PTCD2: variants seen among roughly 807,000 people sequenced by gnomAD.
PTCD2 encodes pentatricopeptide repeat-containing protein 2, mitochondrial.
Under a neutral mutation model 42.6 loss-of-function variants are expected in PTCD2, and 31 were observed. The observed-to-expected ratio is 0.73, with a 90% CI of 0.55 to 0.98. The LOEUF is 0.98. Ranked by LOEUF, PTCD2 falls within the 50% of genes least tolerant of loss-of-function variation. The probability of loss-of-function intolerance (pLI) is 0.00; values close to 1 mark genes in which losing one functional copy is unlikely to be tolerated. For synonymous variants in PTCD2, 183 were observed against 170.9 expected (o/e 1.07, Z -0.55); for missense variants, 476 against 454.8 (o/e 1.05, Z -0.42).
chr5:72,343,184 C>T lies in PTCD2; in HGVS notation c.828+148C>T, dbSNP rs114593040. 1.2e-3 allele frequency: 537 copies of T among 431,586 alleles called. 3 individuals carry two copies. The highest frequency in any genetic ancestry group is 0.01 in the African/African-American group (501 of 48,880). The allele number at this position is 431,586 out of a possible 1,614,324, so 26.7% of individuals were successfully genotyped here. A position where few individuals can be genotyped will look rare whatever the true frequency, so the allele number is the denominator to read the frequency against. On this transcript the variant is annotated intron_variant, in intron 8 of 9. Transcript: ENST00000380639. ...CAAATCAATAGTCATTTATTGAATTCCTCTCTGAAAATTACAGTATCACCC... is the reference window on the plus strand; with the variant it reads ...CAAATCAATAGTCATTTATTGAATTTCTCTCTGAAAATTACAGTATCACCC...
chr5:72,326,012 TC>T (rs957579036), intron 2 of PTCD2, among the ~76,000 whole-genome samples: 1 of 152,042 alleles, frequency 6.6e-6, no homozygotes, highest in African/African-American at 2.4e-5. Context: ...AGGACTGTTT[TC>T]CCCCCTGCCC....
chr5:72,323,718 A>G (rs769300715), intron 2 of PTCD2, among the ~76,000 whole-genome samples: 1 of 152,148 alleles, frequency 6.6e-6, no homozygotes, highest in Non-Finnish European at 1.5e-5. Flanking sequence ...TGGCACCATC[A>G]TAGCTCGCTG....
rs1753223527 is a variant in PTCD2 at position 72,367,124 on chromosome 5, TC to T, written c.*8698del. On this transcript the variant is annotated 3_prime_UTR_variant, in exon 10 of 10. Coordinates refer to ENST00000380639, the MANE Select transcript of PTCD2 (RefSeq NM_024754.5). ...CCTGCCATCATCAGGAATGACTAAA[TC>T]TTGGAGCGTTCTCCATTTAAGTGAG... 6 of 152,242 alleles carry T rather than the reference TC, an allele frequency of 3.9e-5. No individual in the cohort carries two copies. The highest frequency in any genetic ancestry group is 3.9e-4 in the Admixed American group (6 of 15,292). The allele number at this position is 152,242 out of a possible 1,614,324, so 9.4% of individuals were successfully genotyped here. A position where few individuals can be genotyped will look rare whatever the true frequency, so the allele number is the denominator to read the frequency against.
At chr5:72,347,518 T>C (rs955345071) in intron 8 of PTCD2, among the ~76,000 whole-genome samples, 2 of 152,230 alleles carry the variant, frequency 1.3e-5, no homozygotes, top group East Asian at 3.9e-4. Flanking sequence ...AAACCCCATC[T>C]CTACTGAAAA....
Position 72,331,334 on chromosome 5 carries a change from T to C in PTCD2, c.427T>C (p.Leu143=), listed in dbSNP as rs1421965088. The C allele has an allele frequency of 6.2e-7, 1 of 1,614,114 alleles. No homozygotes were observed. The highest frequency in any genetic ancestry group is 1.3e-5 in the African/African-American group (1 of 75,046). ...GPLFVRLCYE[L]DLEESAVELM... is the part of the protein sequence containing the mutation. ...GCTTTTTGTGAGGTTGTGTTACGAG[T>C]TGGATCTCGAGGAATCTGCAGTGGA... Residue 143 remains leucine, a synonymous_variant, in exon 4 of 10, where the codon TTG becomes CTG. Coordinates refer to ENST00000380639, the MANE Select transcript of PTCD2 (RefSeq NM_024754.5).
Position 72,320,409 on chromosome 5 carries a change from A to G in PTCD2, c.27A>G (p.Ala9=). The G allele has an allele frequency of 1.1e-5, 17 of 1,614,066 alleles. No individual in the cohort carries two copies. Among genetic ancestry groups the G allele is most frequent in the Non-Finnish European group, 1.4e-5 (16 of 1,180,012 alleles). ...TGGTCCGAGACAGTATGGCTGCTGCATTTCGGCCCTCGAATCGAGTTCTCC... is the reference window on the plus strand; with the variant it reads ...TGGTCCGAGACAGTATGGCTGCTGCGTTTCGGCCCTCGAATCGAGTTCTCC... The part of the protein sequence containing the change: MVRDSMAA[A]FRPSNRVLLQ... The change falls in exon 1 of 10, where the codon GCA becomes GCG. Residue 9 remains alanine, a synonymous_variant. Transcript: ENST00000380639.
chr5:72,320,622 T>A (rs552492399), intron 1 of PTCD2, 113 bp downstream of exon 1: 66 of 1,472,538 alleles, frequency 4.5e-5, no homozygotes, highest in Non-Finnish European at 5.8e-5. Context: ...CTCACTGGCC[T>A]GGAGCGCACC....
At chr5:72,348,067 A>G (rs1723494938) in intron 8 of PTCD2, among the ~76,000 whole-genome samples, 1 of 152,250 alleles carries the variant, frequency 6.6e-6, no homozygotes. Flanking sequence ...AATTCTTTCA[A>G]ATGTTCAACC....
At chr5:72,355,245 A>G (rs1363129774) in intron 9 of PTCD2, among the ~76,000 whole-genome samples, 2 of 152,196 alleles carry the variant, frequency 1.3e-5, no homozygotes, top group African/African-American at 4.8e-5. Flanking sequence ...AAAAATGCCA[A>G]AGAAGTATAT....
chr5:72,353,887 A>T (rs575194658), intron 9 of PTCD2, among the ~76,000 whole-genome samples: 1 of 152,264 alleles, frequency 6.6e-6, no homozygotes. Flanking sequence ...ATTGAAATAC[A>T]CAAGTACTAG....
At chr5:72,345,339 C>G (rs1027083144) in intron 8 of PTCD2, among the ~76,000 whole-genome samples, 4 of 152,198 alleles carry the variant, frequency 2.6e-5, no homozygotes, top group African/African-American at 9.6e-5. Context: ...TGCTGTTATC[C>G]TGTTCTTTTT....
At chr5:72,338,576 A>G in intron 6 of PTCD2, 46 bp from the exon 7 acceptor site, 1 of 997,782 alleles carries the variant, frequency 1.0e-6, no homozygotes, top group Admixed American at 2.1e-5. Flanking sequence ...ATTTTATTGA[A>G]CTTAAAGGTT....
At chr5:72,347,639 A>G (rs1185696835) in intron 8 of PTCD2, among the ~76,000 whole-genome samples, 1 of 152,078 alleles carries the variant, frequency 6.6e-6, no homozygotes, top group East Asian at 1.9e-4. Context: ...GTGAGTGGAG[A>G]TCACACCATT....
chr5:72,355,249 A>T (rs1159783322), intron 9 of PTCD2, among the ~76,000 whole-genome samples: 1 of 152,218 alleles, frequency 6.6e-6, no homozygotes, highest in African/African-American at 2.4e-5. Flanking sequence ...ATGCCAAAGA[A>T]GTATATTTTA....
In PTCD2 at chr5:72,342,463, T is replaced by A. The variant is rs547394381; in HGVS notation, c.754-499T>A. Among the ~76,000 whole-genome samples, 8 of 152,276 alleles carry A rather than the reference T, an allele frequency of 5.3e-5. No individual in the cohort carries two copies. The South Asian group carries it at 1.7e-3, about 32-fold the overall frequency. ...TCATCATTGTAAATAGGAATTTAGG[T>A]TTTGTACTTCAGGTTGTGCCCTTAC... On this transcript the variant is annotated intron_variant, in intron 7 of 9. Coordinates refer to ENST00000380639, the MANE Select transcript of PTCD2 (RefSeq NM_024754.5).
intron 8 of PTCD2, among the ~76,000 whole-genome samples, chr5:72,344,425 A>G (rs1470263501): frequency 2.6e-5 from 4 of 152,116 alleles, no homozygotes; most frequent in Non-Finnish European, 5.9e-5. Context: ...AGGCAGGGGA[A>G]TTGCTTGAAT....
At chr5:72,334,007 G>C (rs1165540451) in intron 4 of PTCD2, among the ~76,000 whole-genome samples, 1 of 152,008 alleles carries the variant, frequency 6.6e-6, no homozygotes, top group Non-Finnish European at 1.5e-5. Context: ...CCAGCCTTGT[G>C]CCACCACACC....
chr5:72,345,167 A>G (rs1195017714), intron 8 of PTCD2, among the ~76,000 whole-genome samples: 2 of 152,138 alleles, frequency 1.3e-5, no homozygotes, highest in African/African-American at 4.8e-5. Flanking sequence ...TCAGAGGCCT[A>G]CCCTCAGGGA....
intron 2 of PTCD2, among the ~76,000 whole-genome samples, chr5:72,325,997 T>C (rs1417504032): frequency 2.6e-5 from 4 of 152,170 alleles, no homozygotes; most frequent in Non-Finnish European, 5.9e-5. Flanking sequence ...TTTGCTGCTG[T>C]TTGGAGGACT....
Sources: allele counts gnomAD v4.1 joint callset (sites outside exome capture counted in the v4.1 genomes callset), GRCh38; gene constraint gnomAD v4.1.1; transcripts MANE v1.5; gene names NCBI Gene and HGNC (gene_info 2026-07-23, HGNC 2026-07-21).